TMEM260: variants seen among roughly 807,000 people sequenced by gnomAD.
TMEM260 encodes transmembrane protein 260.
TMEM260 carries 82 observed loss-of-function variants against 88.9 expected under a neutral mutation model. That is an observed-to-expected ratio of 0.92 (90% CI 0.77 to 1.11). The LOEUF (loss-of-function observed/expected upper bound fraction) is 1.11. Among genes scored for constraint, TMEM260 ranks in the 50% least tolerant of loss-of-function variants. The pLI, the probability that TMEM260 is intolerant of heterozygous loss-of-function variation, is 0.00. For missense variants in TMEM260, 902 were observed against 853.4 expected (o/e 1.06, Z -0.71); for synonymous variants, 314 against 309.3 (o/e 1.02, Z -0.16).
chr14:56,648,001 C>T lies in TMEM260; in HGVS notation c.*504C>T, dbSNP rs188789851. On this transcript the variant is annotated 3_prime_UTR_variant, in exon 16 of 16. Transcript: ENST00000261556. ...TAGCTATAGTTGTTACATAGTCTTA[C>T]ACTTCAAGCTAAACACCAAATGGGT... The T allele has an allele frequency of 3.8e-3, 584 of 152,622 alleles. 1 individual carries two copies. The highest frequency in any genetic ancestry group is 5.3e-3 in the Admixed American group (81 of 15,400). 9.5% of individuals were successfully genotyped at this position (152,622 alleles called of 1,614,324 possible). A position where few individuals can be genotyped will look rare whatever the true frequency, so the allele number is the denominator to read the frequency against.
chr14:56,614,020 C>CA (rs1566550689), intron 7 of TMEM260: 1 of 151,936 alleles, frequency 6.6e-6, no homozygotes, highest in Non-Finnish European at 1.5e-5. Flanking sequence ...GTGATCCTTC[C>CA]ACCTCAGCCT....
chr14:56,610,085 ATATATT>A (rs1408584185), intron 6 of TMEM260, among the ~76,000 whole-genome samples: 3 of 152,196 alleles, frequency 2.0e-5, no homozygotes, highest in African/African-American at 7.2e-5. Flanking sequence ...TAGTAGAACT[ATATATT>A]TATAAAAAAT....
At chr14:56,593,593 G>T (rs114519548) in intron 3 of TMEM260, among the ~76,000 whole-genome samples, 2 of 147,344 alleles carry the variant, frequency 1.4e-5, no homozygotes, top group Non-Finnish European at 3.0e-5. Context: ...GCTTTCCTCC[G>T]TTATTATGAG....
chr14:56,594,990 C>G (rs1886117407), intron 3 of TMEM260, among the ~76,000 whole-genome samples: 1 of 152,168 alleles, frequency 6.6e-6, no homozygotes, highest in African/African-American at 2.4e-5. Flanking sequence ...ATCACTCACT[C>G]ACAGGTTCCC....
intron 3 of TMEM260, among the ~76,000 whole-genome samples, chr14:56,589,661 G>A (rs1443416950): frequency 6.6e-6 from 1 of 152,072 alleles, no homozygotes; most frequent in South Asian, 2.1e-4. Context: ...AAGAACGTAC[G>A]ATCAATTTCA....
At chr14:56,611,350 T>G (rs1045342899) in intron 6 of TMEM260, among the ~76,000 whole-genome samples, 2 of 152,194 alleles carry the variant, frequency 1.3e-5, no homozygotes, top group African/African-American at 4.8e-5. Context: ...AATAAGACTC[T>G]GAACTAAAGA....
intron 15 of TMEM260, 140 bp from the exon 16 acceptor site, chr14:56,647,103 G>A: frequency 2.3e-6 from 2 of 888,700 alleles, no homozygotes; most frequent in Non-Finnish European, 1.7e-6. Flanking sequence ...TTCTCTGCAT[G>A]GCTTAGCAAT....
At chr14:56,626,403 T>C (rs146933765) in intron 12 of TMEM260, among the ~76,000 whole-genome samples, 2 of 152,304 alleles carry the variant, frequency 1.3e-5, no homozygotes, top group East Asian at 3.9e-4. Context: ...TTTCGAGAAT[T>C]CAATCCCACA....
At chr14:56,599,363 C>T (rs1886429916) in intron 3 of TMEM260, among the ~76,000 whole-genome samples, 1 of 152,128 alleles carries the variant, frequency 6.6e-6, no homozygotes. Flanking sequence ...GCAGACCTAT[C>T]CACAGCCATG....
intron 3 of TMEM260, among the ~76,000 whole-genome samples, chr14:56,592,711 C>G (rs1885941703): frequency 6.6e-6 from 1 of 152,166 alleles, no homozygotes; most frequent in South Asian, 2.1e-4. Context: ...CTGTAGTCAG[C>G]TGCACTATTT....
chr14:56,631,995 G>C (rs942979440), intron 12 of TMEM260, among the ~76,000 whole-genome samples: 1 of 152,186 alleles, frequency 6.6e-6, no homozygotes, highest in Non-Finnish European at 1.5e-5. Flanking sequence ...GCTCATGCCT[G>C]ACTAGCTACC....
At chr14:56,658,906 T>C in the TMEM260 span, among the ~76,000 whole-genome samples, 2 of 152,100 alleles carry the variant, frequency 1.3e-5, no homozygotes, top group Non-Finnish European at 2.9e-5. Flanking sequence ...AATTTTGTAT[T>C]TTTAGTAGAG....
chr14:56,593,722 C>G (rs1054463964), intron 3 of TMEM260, among the ~76,000 whole-genome samples: 1 of 107,594 alleles, frequency 9.3e-6, no homozygotes, highest in Non-Finnish European at 1.7e-5. Flanking sequence ...GAGTCTCGGT[C>G]TGTCGCCCAG....
At position 56,634,918 on chromosome 14, in the gene TMEM260, G is replaced by T. The variant is rs761443112; in HGVS notation, c.1744G>T (p.Glu582Ter). ...EYGRFDPSSW[E>*]SVANEEMWQA... ...CTACAGGTTTGATCCATCTTCTTGG[G>T]AATCTGTGGCCAATGAAGAAATGTG... Residue 582 changes from glutamate (E) to a stop codon, truncating the protein, a stop_gained, in exon 14 of 16, where the codon GAA (glutamate) becomes TAA (stop). Coordinates refer to ENST00000261556, the MANE Select transcript of TMEM260 (RefSeq NM_017799.4). LOFTEE classifies it high-confidence loss of function. 8.1e-6 allele frequency: 13 copies of T among 1,614,002 alleles called. No individual in the cohort carries two copies. The South Asian group carries it at 1.3e-4, about 16-fold the overall frequency.
chr14:56,610,963 C>CTT lies in TMEM260; in HGVS notation c.817-1280_817-1279dup, dbSNP rs199955365. Among the ~76,000 whole-genome samples the CTT allele has an allele frequency of 3.0e-4, 43 of 142,688 alleles. 1 individual carries two copies. Among genetic ancestry groups the CTT allele is most frequent in the African/African-American group, 1.0e-3 (38 of 37,072 alleles). 93.6% of individuals were successfully genotyped at this position (142,688 alleles called of 152,430 possible). On this transcript the variant is annotated intron_variant, in intron 6 of 15. Coordinates refer to ENST00000261556, the MANE Select transcript of TMEM260 (RefSeq NM_017799.4). ...CAAATATTCTTTTCTTTCTTTCTTT[C>CTT]TTTCTTTTTTTTTTTTTTTTTGAGA...
At chr14:56,609,357 A>T in intron 6 of TMEM260, 72 bp downstream of exon 6, 2 of 1,382,584 alleles carry the variant, frequency 1.4e-6, no homozygotes, top group Non-Finnish European at 2.0e-6. Flanking sequence ...GGCCTTGATT[A>T]AAAAAACAAT....
chr14:56,630,082 T>TTGGCC (rs1457932211), intron 12 of TMEM260, among the ~76,000 whole-genome samples: 1 of 152,148 alleles, frequency 6.6e-6, no homozygotes, highest in Non-Finnish European at 1.5e-5. Flanking sequence ...GTTAATTTTT[T>TTGGCC]TGGCCTGTGT....
Position 56,636,601 on chromosome 14 carries a change from A to G in TMEM260, c.1869+3A>G, listed in dbSNP as rs1346639320. ...AACTCTACGCTCAAGCATATGACGT[A>G]TGTTACACTTTTATATGTAGATATA... On this transcript the variant is annotated splice_donor_region_variant and intron_variant, in intron 15 of 15. Transcript: ENST00000261556. The G allele has an allele frequency of 6.2e-7, 1 of 1,612,964 alleles. No individual in the cohort carries two copies. The highest frequency in any genetic ancestry group is 1.1e-5 in the South Asian group (1 of 91,050).
intron 15 of TMEM260, among the ~76,000 whole-genome samples, chr14:56,637,273 G>A (rs1194787722): frequency 6.6e-6 from 1 of 152,206 alleles, no homozygotes; most frequent in Non-Finnish European, 1.5e-5. Context: ...TACTGCCTCT[G>A]CAAAGGTCAT....
Sources: allele counts gnomAD v4.1 joint callset (sites outside exome capture counted in the v4.1 genomes callset), GRCh38; gene constraint gnomAD v4.1.1; transcripts MANE v1.5; gene names NCBI Gene and HGNC (gene_info 2026-07-23, HGNC 2026-07-21).